The following CSGALNACT1 variants were observed in gnomAD, a reference collection of about 807,000 sequenced individuals.
CSGALNACT1 encodes beta4GalNAcT-1.
In CSGALNACT1, 52 loss-of-function variants were observed where a neutral mutation model predicts 51.0. That is an observed-to-expected ratio of 1.02 (90% CI 0.82 to 1.29). The LOEUF (loss-of-function observed/expected upper bound fraction) is 1.29. Among genes scored for constraint, CSGALNACT1 ranks in the 50% most tolerant of loss-of-function variants. The probability of loss-of-function intolerance (pLI) is 0.00; values close to 1 mark genes in which losing one functional copy is unlikely to be tolerated. For missense variants in CSGALNACT1, 935 were observed against 679.2 expected, an observed-to-expected ratio of 1.38 and a Z score of -4.19; for synonymous variants, 341 against 254.4, an observed-to-expected ratio of 1.34 and a Z score of -3.24.
At chr8:19,640,547 T>A (rs1019694977) in intron 1 of CSGALNACT1, among the ~76,000 whole-genome samples, 5 of 152,218 alleles carry the variant, frequency 3.3e-5, no homozygotes, top group African/African-American at 1.2e-4. Flanking sequence ...GTACTTGGAC[T>A]CAAACTCAAA....
chr8:19,571,678 A>G (rs1317454493), intron 3 of CSGALNACT1, among the ~76,000 whole-genome samples: 1 of 152,224 alleles, frequency 6.6e-6, no homozygotes, highest in African/African-American at 2.4e-5. Flanking sequence ...TCACAGAGAA[A>G]GGCATTAGTT....
intron 4 of CSGALNACT1, among the ~76,000 whole-genome samples, chr8:19,474,585 C>T (rs1039153650): frequency 6.6e-6 from 1 of 151,892 alleles, no homozygotes; most frequent in Non-Finnish European, 1.5e-5. Flanking sequence ...AAGCACCTTC[C>T]GGCCAGGTGT....
chr8:19,421,128 A>G (rs989145702), intron 6 of CSGALNACT1, among the ~76,000 whole-genome samples: 1 of 152,228 alleles, frequency 6.6e-6, no homozygotes, highest in Non-Finnish European at 1.5e-5. Flanking sequence ...TCTGTGATCT[A>G]GGCCAGCCCA....
intron 4 of CSGALNACT1, among the ~76,000 whole-genome samples, chr8:19,467,379 C>G (rs535862821): frequency 3.3e-5 from 5 of 152,032 alleles, no homozygotes; most frequent in Admixed American, 6.5e-5. Flanking sequence ...CCTCGGCCCC[C>G]CAAAGTGCTG....
chr8:19,545,378 T>A (rs897231004), intron 3 of CSGALNACT1, among the ~76,000 whole-genome samples: 2 of 152,016 alleles, frequency 1.3e-5, no homozygotes, highest in Non-Finnish European at 2.9e-5. Context: ...TCACGAAAAA[T>A]GAGATGGGGA....
At chr8:19,673,373 C>G (rs1341742623) in intron 1 of CSGALNACT1, among the ~76,000 whole-genome samples, 1 of 152,218 alleles carries the variant, frequency 6.6e-6, no homozygotes, top group Non-Finnish European at 1.5e-5. Context: ...TGCTCATGCT[C>G]AGGACTGTAG....
At chr8:19,619,248 C>CGGGGGGG (rs58524593) in intron 1 of CSGALNACT1, among the ~76,000 whole-genome samples, 1 of 41,386 alleles carries the variant, frequency 2.4e-5, no homozygotes, top group Non-Finnish European at 5.6e-5. Context: ...TAGACAGGGT[C>CGGGGGGG]GGGGGGGGGT....
chr8:19,410,095 T>G (rs552160695), intron 8 of CSGALNACT1, among the ~76,000 whole-genome samples: 4 of 152,210 alleles, frequency 2.6e-5, no homozygotes, highest in Non-Finnish European at 4.4e-5. Flanking sequence ...TAGATGTCAC[T>G]TCCACCATGT....
intron 1 of CSGALNACT1, among the ~76,000 whole-genome samples, chr8:19,616,797 G>A (rs1005865649): frequency 1.3e-5 from 2 of 152,134 alleles, no homozygotes; most frequent in South Asian, 2.1e-4. Flanking sequence ...AGAGGCCAGT[G>A]CCATCCACGT....
chr8:19,757,288 C>A lies in CSGALNACT1; in HGVS notation c.-297+562G>T. The A allele has an allele frequency of 1.3e-5, 2 of 150,498 alleles. No homozygotes were observed. The highest frequency in any genetic ancestry group is 3.6e-4 in the South Asian group (2 of 5,576). 9.3% of individuals were successfully genotyped at this position (150,498 alleles called of 1,614,324 possible). A position where few individuals can be genotyped will look rare whatever the true frequency, so the allele number is the denominator to read the frequency against. The stretch of plus-strand genomic sequence containing the variant: ...CGCGGACTCGGCTCCACCTCCCGCT[C>A]CGGCAGCCGCGGAGCCTCCAGGGAC... On this transcript the variant is annotated intron_variant, in intron 1 of 1. Coordinates refer to the CSGALNACT1 transcript ENST00000517494. The surrounding 1 kb of genome is among the most constrained non-coding windows in gnomAD (Gnocchi z 4.0).
intron 1 of CSGALNACT1, among the ~76,000 whole-genome samples, chr8:19,662,057 TG>T (rs2058783409): frequency 1.6e-4 from 13 of 80,434 alleles, no homozygotes; most frequent in African/African-American, 2.5e-4. Flanking sequence ...CTATTACAGT[TG>T]CCCCCACCCC....
At chr8:19,486,965 A>G (rs954130442) in intron 4 of CSGALNACT1, among the ~76,000 whole-genome samples, 13 of 152,212 alleles carry the variant, frequency 8.5e-5, no homozygotes, top group Non-Finnish European at 1.3e-4. Flanking sequence ...GCTTGTGTCA[A>G]TGGATAGCAG....
intron 3 of CSGALNACT1, among the ~76,000 whole-genome samples, chr8:19,561,160 CTG>C: frequency 6.6e-6 from 1 of 152,110 alleles, no homozygotes; most frequent in Admixed American, 6.6e-5. Flanking sequence ...GACTAGGTGT[CTG>C]TGGGAGAGGA....
intron 1 of CSGALNACT1, among the ~76,000 whole-genome samples, chr8:19,624,639 G>A (rs1464501281): frequency 1.3e-5 from 2 of 151,510 alleles, no homozygotes; most frequent in Non-Finnish European, 2.9e-5. Flanking sequence ...AGAGGATCAG[G>A]CTACTTCCTT....
At position 19,483,785 on chromosome 8, in the gene CSGALNACT1, G is replaced by A. The variant is rs568739317; in HGVS notation, c.634+21416C>T. ...CATCTTTGTTTCAACCATGTCTGACGGCAAATAATAAATTACTATTGACTA... is the reference window on the plus strand; with the variant it reads ...CATCTTTGTTTCAACCATGTCTGACAGCAAATAATAAATTACTATTGACTA... On this transcript the variant is annotated intron_variant, in intron 4 of 9. Coordinates refer to ENST00000454498, the Ensembl canonical transcript of CSGALNACT1. Among the ~76,000 whole-genome samples, 3 of 152,218 alleles carry A rather than the reference G, an allele frequency of 2.0e-5. No homozygotes were observed. The South Asian group carries it at 6.2e-4, about 32-fold the overall frequency.
At chr8:19,435,850 A>G (rs1158812716) in intron 6 of CSGALNACT1, among the ~76,000 whole-genome samples, 3 of 152,190 alleles carry the variant, frequency 2.0e-5, no homozygotes, top group African/African-American at 7.2e-5. Flanking sequence ...TGATCCTTAT[A>G]AAGGAATATA....
chr8:19,737,628 A>C (rs1028678293), intron 1 of CSGALNACT1, among the ~76,000 whole-genome samples: 1 of 152,124 alleles, frequency 6.6e-6, no homozygotes, highest in African/African-American at 2.4e-5. Flanking sequence ...ATTCAAAGGA[A>C]GGAAAAGAAG....
intron 9 of CSGALNACT1, among the ~76,000 whole-genome samples, chr8:19,406,620 T>C (rs2054237651): frequency 8.7e-6 from 1 of 115,386 alleles, no homozygotes; most frequent in Admixed American, 9.6e-5. Context: ...AATAGAGGTT[T>C]CGTAAAAAAA....
chr8:19,564,370 A>G (rs977548530), intron 3 of CSGALNACT1, among the ~76,000 whole-genome samples: 1 of 151,596 alleles, frequency 6.6e-6, no homozygotes, highest in African/African-American at 2.4e-5. Flanking sequence ...AGAAATTTCA[A>G]TTTCGTTTTT....
Sources: allele counts gnomAD v4.1 joint callset (sites outside exome capture counted in the v4.1 genomes callset), GRCh38; gene constraint gnomAD v4.1.1; non-coding constraint Gnocchi (gnomAD v3.1); transcripts MANE v1.5; gene names NCBI Gene and HGNC (gene_info 2026-07-23, HGNC 2026-07-21).